DDX24: variants seen among roughly 807,000 people sequenced by gnomAD.
DDX24 encodes the protein DEAD-box helicase 24.
Under a neutral mutation model 68.9 loss-of-function variants are expected in DDX24, and 24 were observed. The observed-to-expected ratio is 0.35, with a 90% CI of 0.25 to 0.49. DDX24 has a LOEUF of 0.49. DDX24 is among the 20% of genes least tolerant of loss of function. The pLI is 0.99. For synonymous variants in DDX24, 395 were observed against 385.2 expected, an observed-to-expected ratio of 1.03 and a Z score of -0.30; for missense variants, 989 against 1,039.0, an observed-to-expected ratio of 0.95 and a Z score of 0.66.
chr14:94,060,692 C>T, intron 4 of DDX24, 79 bp from the exon 5 acceptor site: 1 of 1,527,134 alleles, frequency 6.5e-7, no homozygotes. Context: ...TACACTCATC[C>T]TAAACACACA....
At chr14:94,070,061 A>G (rs1885797784) in intron 2 of DDX24, among the ~76,000 whole-genome samples, 1 of 152,198 alleles carries the variant, frequency 6.6e-6, no homozygotes, top group African/African-American at 2.4e-5. Flanking sequence ...ATCAGTAAAG[A>G]GGAAGTCAAA....
At chr14:94,064,925 A>C (rs1190234015) in intron 2 of DDX24, among the ~76,000 whole-genome samples, 1 of 152,232 alleles carries the variant, frequency 6.6e-6, no homozygotes, top group African/African-American at 2.4e-5. Context: ...CACTAGCTCC[A>C]GGTAGATAGT....
chr14:94,072,149 CA>C (rs762250918), intron 2 of DDX24, among the ~76,000 whole-genome samples: 4 of 152,222 alleles, frequency 2.6e-5, no homozygotes, highest in Non-Finnish European at 5.9e-5. Flanking sequence ...AAGATACTTT[CA>C]CACATAATTT....
chr14:94,070,942 T>C (rs183339867), intron 2 of DDX24, among the ~76,000 whole-genome samples: 20 of 152,302 alleles, frequency 1.3e-4, no homozygotes, highest in Admixed American at 2.6e-4. Context: ...CTTCTGGACA[T>C]TGGCTTAGGC....
At position 94,073,746 on chromosome 14, in the gene DDX24, CAA is replaced by C. The variant is rs558203657; in HGVS notation, c.718+5277_718+5278del. The stretch of plus-strand genomic sequence containing the variant: ...GAACTGCAAGTAGAAAACAGTCACT[CAA>C]GAAAAAAATAAGTGGCCGGGTGTGG... On this transcript the variant is annotated intron_variant, in intron 2 of 8. Transcript: ENST00000621632. Among the ~76,000 whole-genome samples, 497 of 151,890 alleles carry C rather than the reference CAA, an allele frequency of 3.3e-3. 2 individuals carry two copies. Among genetic ancestry groups the C allele is most frequent in the Non-Finnish European group, 4.3e-3 (294 of 67,890 alleles).
At chr14:94,054,444 T>C (rs1885453286) in intron 7 of DDX24, among the ~76,000 whole-genome samples, 1 of 152,212 alleles carries the variant, frequency 6.6e-6, no homozygotes, top group Non-Finnish European at 1.5e-5. Flanking sequence ...CCTCCCAATG[T>C]AACCATATGC....
chr14:94,077,215 T>C (rs1885961853), intron 2 of DDX24, among the ~76,000 whole-genome samples: 1 of 152,240 alleles, frequency 6.6e-6, no homozygotes, highest in African/African-American at 2.4e-5. Flanking sequence ...AGGGGACCAA[T>C]GCCCCTAATC....
intron 2 of DDX24, among the ~76,000 whole-genome samples, chr14:94,074,058 GA>G (rs1440263158): frequency 6.9e-6 from 1 of 145,240 alleles, no homozygotes; most frequent in Non-Finnish European, 1.5e-5. Flanking sequence ...AAAAAAAAAA[GA>G]AAAAAATAAG....
At chr14:94,051,583 G>GT in intron 8 of DDX24, 121 bp from the exon 9 acceptor site, 1 of 1,354,202 alleles carries the variant, frequency 7.4e-7, no homozygotes, top group African/African-American at 1.5e-5. Flanking sequence ...GGGTTCAAAA[G>GT]TTCTCTGAAG....
chr14:94,052,608 C>T (rs756241236), intron 8 of DDX24, among the ~76,000 whole-genome samples: 1 of 152,222 alleles, frequency 6.6e-6, no homozygotes, highest in African/African-American at 2.4e-5. Flanking sequence ...CACAACAATC[C>T]CATGAAGTAG....
At chr14:94,055,605 C>T (rs1414074023) in intron 6 of DDX24, 1 of 181,494 alleles carries the variant, frequency 5.5e-6, no homozygotes, top group African/African-American at 2.3e-5. Flanking sequence ...ATTAATCAAG[C>T]ACAACAGTCT....
chr14:94,051,573 G>A, intron 8 of DDX24, 111 bp from the exon 9 acceptor site: 2 of 1,410,478 alleles, frequency 1.4e-6, no homozygotes, highest in South Asian at 3.0e-5. Context: ...TAGGGAGGCA[G>A]GGTTCAAAAG....
At chr14:94,080,399 G>A (rs1201613254) in intron 1 of DDX24, among the ~76,000 whole-genome samples, 4 of 152,140 alleles carry the variant, frequency 2.6e-5, no homozygotes, top group African/African-American at 9.7e-5. Context: ...CTCGATCCAG[G>A]TTTTTCCTTT....
At position 94,049,907 on chromosome 14, in the gene DDX24, A is replaced by T. The variant is rs920099880; in HGVS notation, c.*1284T>A. 6.6e-6 allele frequency: 1 copy of T among 152,052 alleles called. No individual in the cohort carries two copies. The allele number at this position is 152,052 out of a possible 1,614,324, so 9.4% of individuals were successfully genotyped here. On this transcript the variant is annotated 3_prime_UTR_variant, in exon 9 of 9. Coordinates refer to ENST00000621632, the MANE Select transcript of DDX24 (RefSeq NM_020414.4). ...AAGACCCTGTCTCAAAAAAAAAAGAAAATTATTTCTCAGGACCTTCAAGAC... is the reference window on the plus strand; with the variant it reads ...AAGACCCTGTCTCAAAAAAAAAAGATAATTATTTCTCAGGACCTTCAAGAC...
intron 2 of DDX24, among the ~76,000 whole-genome samples, chr14:94,074,520 A>C (rs907012463): frequency 9.8e-5 from 15 of 152,340 alleles, no homozygotes; most frequent in African/African-American, 3.6e-4. Flanking sequence ...TCCAACATCC[A>C]ACCCTGATAA....
chr14:94,067,596 T>A (rs538818005), intron 2 of DDX24, among the ~76,000 whole-genome samples: 6 of 152,280 alleles, frequency 3.9e-5, no homozygotes, highest in Admixed American at 2.6e-4. Context: ...AAGCACCAGA[T>A]AACCTATAAA....
chr14:94,053,630 C>A (rs933971565), intron 7 of DDX24, among the ~76,000 whole-genome samples: 2 of 151,926 alleles, frequency 1.3e-5, no homozygotes, highest in African/African-American at 4.8e-5. Context: ...GCCTGACCAA[C>A]ATGGAGAAAC....
intron 6 of DDX24, chr14:94,056,205 T>TG (rs771239528): frequency 5.3e-5 from 8 of 152,262 alleles, no homozygotes; most frequent in Non-Finnish European, 1.0e-4. Context: ...AATATGTATT[T>TG]GCTCTTCATC....
rs548631922 is a variant in DDX24 at position 94,059,244 on chromosome 14, C to A, written c.1913+854G>T. Among the ~76,000 whole-genome samples, 210 of 152,354 alleles carry A rather than the reference C, an allele frequency of 1.4e-3. 1 individual carries two copies. The highest frequency in any genetic ancestry group is 2.5e-3 in the Non-Finnish European group (167 of 68,030). On this transcript the variant is annotated intron_variant, in intron 5 of 8. Coordinates refer to ENST00000621632, the MANE Select transcript of DDX24 (RefSeq NM_020414.4). ...GACCTGACAAAACACTGGCAAAAGA[C>A]ACTTTGTAGTCTGCCTCAACTTTCC...
Sources: gnomAD v4.1 joint callset for allele counts (sites outside exome capture counted in the v4.1 genomes callset) on GRCh38, gnomAD v4.1.1 for gene constraint, MANE v1.5 for transcripts, NCBI Gene and HGNC (gene_info 2026-07-23, HGNC 2026-07-21) for gene names.